The following VWA8 variants were observed in gnomAD, a reference collection of about 807,000 sequenced individuals.
VWA8 encodes the protein von Willebrand factor A domain-containing protein 8.
A neutral mutation model predicts 241.5 loss-of-function variants in VWA8; 221 were observed. The observed-to-expected ratio is 0.91, with a 90% CI of 0.82 to 1.02. VWA8 has a LOEUF of 1.02. VWA8 is among the 50% of genes least tolerant of loss of function. VWA8 has a pLI of 0.00. For missense variants in VWA8, 2,322 were observed against 2,328.7 expected (o/e 1.00, Z 0.06); for synonymous variants, 852 against 827.1 (o/e 1.03, Z -0.52).
At chr13:41,727,130 A>C in intron 24 of VWA8, 64 bp downstream of exon 24, 1 of 1,272,386 alleles carries the variant, frequency 7.9e-7, no homozygotes, top group Non-Finnish European at 1.1e-6. Context: ...GACAGCCATT[A>C]CAGCAGTGTT....
chr13:41,640,116 T>C (rs892066881), intron 37 of VWA8, among the ~76,000 whole-genome samples: 28 of 152,168 alleles, frequency 1.8e-4, no homozygotes, highest in Middle Eastern at 3.2e-3. Context: ...CCCGCTCCTA[T>C]TCTTCTTAGA....
At chr13:41,697,793 T>C (rs1197619136) in intron 29 of VWA8, among the ~76,000 whole-genome samples, 2 of 152,152 alleles carry the variant, frequency 1.3e-5, no homozygotes, top group African/African-American at 4.8e-5. Flanking sequence ...GCCTGGGAGT[T>C]GGGGACCCCT....
At chr13:41,573,474 T>TAAAAAAAA (rs543021636) in intron 43 of VWA8, among the ~76,000 whole-genome samples, 1 of 126,726 alleles carries the variant, frequency 7.9e-6, no homozygotes, top group African/African-American at 3.4e-5. Flanking sequence ...GGCTATAGTT[T>TAAAAAAAA]AAAAAAAAAA....
At chr13:41,655,481 C>T (rs1458728249) in intron 37 of VWA8, among the ~76,000 whole-genome samples, 3 of 99,850 alleles carry the variant, frequency 3.0e-5, no homozygotes, top group Non-Finnish European at 6.9e-5. Flanking sequence ...TCCACACATA[C>T]AGAGAGACAG....
At chr13:41,916,055 A>G (rs997985906) in intron 2 of VWA8, among the ~76,000 whole-genome samples, 2 of 152,192 alleles carry the variant, frequency 1.3e-5, no homozygotes, top group African/African-American at 4.8e-5. Context: ...TTTACTAGCT[A>G]TGTAACCTTA....
At chr13:41,871,992 G>A (rs1206102608) in intron 9 of VWA8, among the ~76,000 whole-genome samples, 2 of 152,208 alleles carry the variant, frequency 1.3e-5, no homozygotes, top group South Asian at 2.1e-4. Flanking sequence ...TTTAATGATT[G>A]CCATTCTAAC....
At chr13:41,857,999 T>C (rs1290301050) in intron 12 of VWA8, among the ~76,000 whole-genome samples, 1 of 152,182 alleles carries the variant, frequency 6.6e-6, no homozygotes, top group Non-Finnish European at 1.5e-5. Flanking sequence ...GCTGGGATAT[T>C]AGTCTTCCTT....
chr13:41,870,245 G>A (rs1176338381), intron 9 of VWA8, among the ~76,000 whole-genome samples: 1 of 151,062 alleles, frequency 6.6e-6, no homozygotes, highest in Non-Finnish European at 1.5e-5. Context: ...AACAACTATT[G>A]ACACCTTAAT....
intron 4 of VWA8, among the ~76,000 whole-genome samples, chr13:41,894,333 T>G (rs974047662): frequency 1.3e-5 from 2 of 152,034 alleles, no homozygotes; most frequent in Non-Finnish European, 2.9e-5. Flanking sequence ...ATACACAAGG[T>G]TTTTTTTCCA....
intron 12 of VWA8, among the ~76,000 whole-genome samples, chr13:41,842,822 T>C (rs983916093): frequency 2.0e-5 from 3 of 152,178 alleles, no homozygotes; most frequent in African/African-American, 7.2e-5. Flanking sequence ...TAGAGTTCTA[T>C]TCATGAACCA....
Position 41,907,632 on chromosome 13 carries a change from T to A in VWA8, c.437A>T (p.Lys146Ile), listed in dbSNP as rs1238591814. The change falls in exon 4 of 45, where the codon AAA becomes ATA. Residue 146 changes from lysine (K) to isoleucine (I), a missense_variant. Lys to Ile is a moderately radical substitution (Grantham distance 102). Coordinates refer to ENST00000379310, the MANE Select transcript of VWA8 (RefSeq NM_015058.2). ...LSRDTTETDLKQRREIRAGTA... is the reference protein window; with the variant it reads ...LSRDTTETDLIQRREIRAGTA... ...GCCTGCACGGATCTCTCGTCGCTGT[T>A]TGAGATCAGTTTCAGTGGTGTCCCT... 6.2e-7 allele frequency: 1 copy of A among 1,614,166 alleles called. No individual in the cohort carries two copies. The highest frequency in any genetic ancestry group is 1.3e-5 in the African/African-American group (1 of 75,058).
At chr13:41,688,962 C>A (rs2045156338) in intron 34 of VWA8, among the ~76,000 whole-genome samples, 1 of 152,038 alleles carries the variant, frequency 6.6e-6, no homozygotes, top group Non-Finnish European at 1.5e-5. Context: ...CACACGTACA[C>A]TTGAACCTAA....
intron 25 of VWA8, among the ~76,000 whole-genome samples, chr13:41,720,605 A>G (rs73183315): frequency 0.062 from 9,488 of 152,196 alleles, 418 homozygotes; most frequent in Non-Finnish European, 0.098. Context: ...GATATTAACT[A>G]TAGTTACCAG....
chr13:41,654,580 G>T (rs1254986311), intron 37 of VWA8, among the ~76,000 whole-genome samples: 1 of 152,218 alleles, frequency 6.6e-6, no homozygotes, highest in East Asian at 1.9e-4. Context: ...GCTCCTGTGA[G>T]AATCTACTGC....
At chr13:41,913,092 A>G (rs1876088473) in intron 2 of VWA8, among the ~76,000 whole-genome samples, 2 of 152,292 alleles carry the variant, frequency 1.3e-5, no homozygotes, top group South Asian at 2.1e-4. Flanking sequence ...CCCACTTCCA[A>G]TGATATGCTT....
At chr13:41,700,264 A>G (rs905952564) in intron 28 of VWA8, among the ~76,000 whole-genome samples, 6 of 152,026 alleles carry the variant, frequency 3.9e-5, no homozygotes. Context: ...GTGTGTATGC[A>G]TCATATCTAT....
At chr13:41,864,633 T>A (rs1284840853) in intron 12 of VWA8, 1 of 440,060 alleles carries the variant, frequency 2.3e-6, no homozygotes, top group Non-Finnish European at 4.5e-6. Context: ...ATAGGCAAAT[T>A]TATAGGGACA....
chr13:41,733,467 G>A (rs1471298338), intron 21 of VWA8, among the ~76,000 whole-genome samples: 5 of 152,180 alleles, frequency 3.3e-5, no homozygotes, highest in Non-Finnish European at 7.3e-5. Flanking sequence ...AGAACACTTG[G>A]AAAGTGTATA....
At chr13:41,849,903 A>G (rs1474008049) in intron 12 of VWA8, among the ~76,000 whole-genome samples, 2 of 151,998 alleles carry the variant, frequency 1.3e-5, no homozygotes, top group Non-Finnish European at 2.9e-5. Flanking sequence ...AAAAAAGAAA[A>G]GAAAAAGAAA....
Sources: allele counts gnomAD v4.1 joint callset (sites outside exome capture counted in the v4.1 genomes callset), GRCh38; gene constraint gnomAD v4.1.1; transcripts MANE v1.5; gene names NCBI Gene and HGNC (gene_info 2026-07-23, HGNC 2026-07-21).